The following ZC3H12B variants were observed in gnomAD, a reference collection of about 807,000 sequenced individuals.
ZC3H12B encodes zinc finger CCCH-type containing 12B.
In ZC3H12B, 7 loss-of-function variants were observed where a neutral mutation model predicts 43.9. The ratio of observed to expected loss-of-function variants is 0.16; its 90% CI spans 0.09 to 0.30. ZC3H12B has a LOEUF of 0.30. Ranked by LOEUF, ZC3H12B falls within the 10% of genes least tolerant of loss-of-function variation. The probability of loss-of-function intolerance (pLI) is 1.00; values close to 1 mark genes in which losing one functional copy is unlikely to be tolerated. For missense variants in ZC3H12B, 475 were observed against 670.2 expected, an observed-to-expected ratio of 0.71 and a Z score of 3.22; for synonymous variants, 222 against 241.7, an observed-to-expected ratio of 0.92 and a Z score of 0.76.
At chrX:65,119,828 G>A in the ZC3H12B span, among the ~76,000 whole-genome samples, 1 of 111,817 alleles carries the variant, frequency 8.9e-6, no homozygotes, top group East Asian at 2.8e-4. Context: ...TTTGTATAAG[G>A]TGTAAGGAAG....
At chrX:65,091,795 A>G in the ZC3H12B span, among the ~76,000 whole-genome samples, 1 of 112,288 alleles carries the variant, frequency 8.9e-6, no homozygotes, top group African/African-American at 3.2e-5. Flanking sequence ...CAAGGGTTAT[A>G]TGGGAATTAT....
intron 3 of ZC3H12B, among the ~76,000 whole-genome samples, chrX:65,449,223 A>G (rs1215977521): frequency 1.8e-5 from 2 of 111,089 alleles, no homozygotes; most frequent in African/African-American, 6.6e-5. Context: ...CTGGTGTGGG[A>G]TGATTTGTGC....
chrX:65,273,217 C>T, the ZC3H12B span, among the ~76,000 whole-genome samples: 1 of 111,531 alleles, frequency 9.0e-6, no homozygotes, highest in Non-Finnish European at 1.9e-5. Context: ...GTGTTTAGTT[C>T]CAAAATTTTA....
At chrX:65,079,567 A>C in the ZC3H12B span, among the ~76,000 whole-genome samples, 2 of 112,493 alleles carry the variant, frequency 1.8e-5, no homozygotes, top group African/African-American at 6.5e-5. Context: ...AGGGAAAAGA[A>C]CAAGTATTTG....
chrX:65,382,778 C>CA (rs923160365), intron 2 of ZC3H12B, among the ~76,000 whole-genome samples: 1 of 111,574 alleles, frequency 9.0e-6, no homozygotes, highest in African/African-American at 3.3e-5. Flanking sequence ...AATCAACGTA[C>CA]AAAAATCACA....
chrX:65,088,016 A>C, the ZC3H12B span, among the ~76,000 whole-genome samples: 1 of 111,902 alleles, frequency 8.9e-6, no homozygotes, highest in Admixed American at 9.4e-5. Context: ...ATGATGTAAA[A>C]TGTATTGGCT....
the ZC3H12B span, among the ~76,000 whole-genome samples, chrX:65,135,720 C>G: frequency 9.7e-6 from 1 of 103,488 alleles, no homozygotes; most frequent in Admixed American, 1.0e-4. Context: ...TTTAGCCACA[C>G]ATGTCTCTGA....
the ZC3H12B span, among the ~76,000 whole-genome samples, chrX:65,191,133 A>C: frequency 4.2e-3 from 350 of 82,498 alleles, 1 homozygote; most frequent in Non-Finnish European, 6.8e-3. Context: ...CCAGCCTTGC[A>C]TCCCAGGGAT....
chrX:65,057,884 A>G, the ZC3H12B span, among the ~76,000 whole-genome samples: 1 of 111,838 alleles, frequency 8.9e-6, no homozygotes, highest in African/African-American at 3.3e-5. Context: ...TTGGCTACTG[A>G]AGCTTGTGTG....
chrX:65,460,477 AC>A (rs2067723642), intron 3 of ZC3H12B, among the ~76,000 whole-genome samples: 1 of 112,214 alleles, frequency 8.9e-6, no homozygotes, highest in Non-Finnish European at 1.9e-5. Flanking sequence ...GGCTACAGTA[AC>A]CAAAACAGCA....
At chrX:65,120,564 T>G in the ZC3H12B span, among the ~76,000 whole-genome samples, 1 of 111,515 alleles carries the variant, frequency 9.0e-6, no homozygotes, top group Admixed American at 9.5e-5. Context: ...ACGATGGGGT[T>G]TTCTAGATAT....
At chrX:65,320,525 C>T in the ZC3H12B span, among the ~76,000 whole-genome samples, 1 of 111,257 alleles carries the variant, frequency 9.0e-6, no homozygotes, top group Non-Finnish European at 1.9e-5. Flanking sequence ...ATGATATTCT[C>T]CAAAGAAATA....
the ZC3H12B span, among the ~76,000 whole-genome samples, chrX:65,356,517 ATTC>A: frequency 3.6e-5 from 4 of 111,987 alleles, no homozygotes; most frequent in Non-Finnish European, 3.8e-5. Context: ...CCCTTTATAT[ATTC>A]TTCATCAGAA....
At chrX:65,086,049 T>G in the ZC3H12B span, among the ~76,000 whole-genome samples, 1 of 108,190 alleles carries the variant, frequency 9.2e-6, no homozygotes, top group African/African-American at 3.3e-5. Flanking sequence ...ATAATGTCTT[T>G]TTTTTTTTTT....
chrX:65,103,172 G>A, the ZC3H12B span, among the ~76,000 whole-genome samples: 4 of 111,303 alleles, frequency 3.6e-5, no homozygotes, highest in East Asian at 2.8e-4. Flanking sequence ...TCCCTTATCT[G>A]CAACTGTATA....
chrX:65,448,811 C>T (rs1439302284), intron 3 of ZC3H12B, among the ~76,000 whole-genome samples: 1 of 90,046 alleles, frequency 1.1e-5, no homozygotes, highest in African/African-American at 4.5e-5. Flanking sequence ...GAATGATACT[C>T]CAAAAAAAGA....
At chrX:65,056,455 C>T in the ZC3H12B span, among the ~76,000 whole-genome samples, 1 of 111,602 alleles carries the variant, frequency 9.0e-6, no homozygotes, top group African/African-American at 3.3e-5. Context: ...GTCTCAGAGA[C>T]AGTTTGTTAT....
chrX:65,115,605 C>G, the ZC3H12B span, among the ~76,000 whole-genome samples: 1 of 111,603 alleles, frequency 9.0e-6, no homozygotes. Flanking sequence ...AGTAGACCTA[C>G]TTTTAGTACT....
the ZC3H12B span, among the ~76,000 whole-genome samples, chrX:65,279,029 T>TA: frequency 3.1e-4 from 35 of 111,658 alleles, no homozygotes; most frequent in Admixed American, 1.1e-3. Context: ...TACATTTTTT[T>TA]AATTTAATCT....
Sources: allele counts gnomAD v4.1 joint callset (sites outside exome capture counted in the v4.1 genomes callset), GRCh38; gene constraint gnomAD v4.1.1; transcripts MANE v1.5; gene names NCBI Gene and HGNC (gene_info 2026-07-23, HGNC 2026-07-21).